The following VWA8 variants were observed in gnomAD, a reference collection of about 807,000 sequenced individuals.
VWA8 encodes von Willebrand factor A domain-containing protein 8.
In VWA8, 221 loss-of-function variants were observed where a neutral mutation model predicts 241.5. The observed-to-expected ratio is 0.91, with a 90% confidence interval of 0.82 to 1.02. VWA8 has a LOEUF of 1.02. Among genes scored for constraint, VWA8 ranks in the 50% least tolerant of loss-of-function variants. The probability of loss-of-function intolerance (pLI) is 0.00; values close to 1 mark genes in which losing one functional copy is unlikely to be tolerated. For missense variants in VWA8, 2,322 were observed against 2,328.7 expected (o/e 1.00, Z 0.06); for synonymous variants, 852 against 827.1 (o/e 1.03, Z -0.52).
intron 36 of VWA8, among the ~76,000 whole-genome samples, chr13:41,674,523 T>C (rs1199063826): frequency 6.6e-6 from 1 of 152,006 alleles, no homozygotes; most frequent in Non-Finnish European, 1.5e-5. Context: ...AAGAGGAACC[T>C]AGGATAAGTA....
chr13:41,592,686 T>C (rs1444570366), intron 40 of VWA8, among the ~76,000 whole-genome samples: 1 of 147,994 alleles, frequency 6.8e-6, no homozygotes, highest in Admixed American at 6.7e-5. Flanking sequence ...TCCTTGAAAA[T>C]ATTTATAATA....
In VWA8 at chr13:41,886,023, G is replaced by C; in HGVS notation, c.872C>G (p.Ser291Cys). 1 of 1,583,626 alleles carries C rather than the reference G, an allele frequency of 6.3e-7. No individual in the cohort carries two copies. Reference protein sequence around the residue: ...IGANVSAEKVSQLLSFATTLC... With the variant: ...IGANVSAEKVCQLLSFATTLC... ...AGTTGTGGCAAAGGACAAGAGCTGA[G>C]AAACTCTAAGGGAAAAATGATATTA... The change falls in exon 8 of 45, where the codon TCT (serine) becomes TGT (cysteine). Residue 291 changes from serine (S) to cysteine (C), a missense_variant. Coordinates refer to ENST00000379310, the MANE Select transcript of VWA8 (RefSeq NM_015058.2).
chr13:41,806,247 G>C (rs1870203854), intron 17 of VWA8, among the ~76,000 whole-genome samples: 1 of 151,966 alleles, frequency 6.6e-6, no homozygotes, highest in Non-Finnish European at 1.5e-5. Context: ...TAAAAGAAAA[G>C]TCTATAGCCA....
chr13:41,926,485 C>CT, intron 2 of VWA8: 1 of 528,728 alleles, frequency 1.9e-6, no homozygotes, highest in Non-Finnish European at 3.8e-6. Flanking sequence ...CTCCGGAACT[C>CT]TATCATAAGA....
chr13:41,633,118 T>G (rs149332493), intron 37 of VWA8, among the ~76,000 whole-genome samples: 1 of 152,358 alleles, frequency 6.6e-6, no homozygotes, highest in African/African-American at 2.4e-5. Flanking sequence ...CGTAATGTAC[T>G]CTTTTATGAT....
chr13:41,756,065 A>G (rs1350709512), intron 21 of VWA8, among the ~76,000 whole-genome samples: 1 of 151,786 alleles, frequency 6.6e-6, no homozygotes, highest in Non-Finnish European at 1.5e-5. Flanking sequence ...ATATTAATAA[A>G]CCCCTGACAA....
chr13:41,855,393 TAA>T (rs1872708278), intron 12 of VWA8, among the ~76,000 whole-genome samples: 1 of 145,414 alleles, frequency 6.9e-6, no homozygotes, highest in Non-Finnish European at 1.5e-5. Flanking sequence ...TATTTATATA[TAA>T]ATATATATAT....
rs979394476 is a variant in VWA8 at position 41,685,215 on chromosome 13, T to A, written c.4159A>T (p.Arg1387Ter). ...MSPSEVYSWKRPSSLHKRSGT... is the reference protein window; with the variant it reads ...MSPSEVYSWK Reference sequence around the variant, plus strand: ...CTTCGTTTATGCAAAGATGATGGTCTCTTCCAAGAATAAACTTCACTGGGT... The same window carrying A: ...CTTCGTTTATGCAAAGATGATGGTCACTTCCAAGAATAAACTTCACTGGGT... The change falls in exon 35 of 45, where the codon AGA becomes TGA. Residue 1387 changes from arginine to a stop codon, truncating the protein, a stop_gained. Transcript: ENST00000379310. LOFTEE classifies it high-confidence loss of function. 1.2e-6 allele frequency: 2 copies of A among 1,612,656 alleles called. No homozygotes were observed. The highest frequency in any genetic ancestry group is 2.7e-5 in the African/African-American group (2 of 74,782).
intron 17 of VWA8, among the ~76,000 whole-genome samples, chr13:41,791,345 G>A (rs1020098656): frequency 6.6e-6 from 1 of 151,544 alleles, no homozygotes; most frequent in African/African-American, 2.4e-5. Flanking sequence ...TGATAACACT[G>A]GAAAAATTAG....
At chr13:41,837,035 T>TGATAGATAGATA (rs67765155) in intron 12 of VWA8, among the ~76,000 whole-genome samples, 5,617 of 148,662 alleles carry the variant, frequency 0.038, 138 homozygotes, top group East Asian at 0.073. Context: ...TGCAGATAGA[T>TGATAGATAGATA]GATAGATAGA....
At chr13:41,947,950 A>G (rs1593890480) in intron 2 of VWA8, among the ~76,000 whole-genome samples, 2 of 148,534 alleles carry the variant, frequency 1.3e-5, no homozygotes, top group Non-Finnish European at 3.0e-5. Context: ...AAAAAAAAAA[A>G]AAACAAAACA....
At chr13:41,813,446 C>T (rs1485462992) in intron 16 of VWA8, among the ~76,000 whole-genome samples, 1 of 152,048 alleles carries the variant, frequency 6.6e-6, no homozygotes, top group Non-Finnish European at 1.5e-5. Context: ...AAATATAACT[C>T]AGAAATTCCC....
Position 41,568,160 on chromosome 13 carries a change from C to A in VWA8, c.*37G>T. 1 of 1,532,108 alleles carries A rather than the reference C, an allele frequency of 6.5e-7. No homozygotes were observed. Among genetic ancestry groups the A allele is most frequent in the South Asian group, 1.1e-5 (1 of 88,784 alleles). 94.9% of individuals were successfully genotyped at this position (1,532,108 alleles called of 1,614,324 possible). ...AATACTCTTTATTCCTGTCTTATTT[C>A]AAATCCTGGTGTCATCAGGGTGATG... On this transcript the variant is annotated 3_prime_UTR_variant, in exon 45 of 45. Transcript: ENST00000379310.
chr13:41,576,855 G>A (rs1031662745), intron 42 of VWA8, among the ~76,000 whole-genome samples: 1 of 152,232 alleles, frequency 6.6e-6, no homozygotes, highest in Admixed American at 6.5e-5. Context: ...AATGGCCCCT[G>A]GCCCATAGCC....
rs2045370374 is a variant in VWA8 at position 41,719,678 on chromosome 13, T to C, written c.3029A>G (p.Asn1010Ser). The C allele has an allele frequency of 3.1e-6, 5 of 1,613,140 alleles. No individual in the cohort carries two copies. Among genetic ancestry groups the C allele is most frequent in the South Asian group, 1.1e-5 (1 of 91,056 alleles). Residue 1010 changes from asparagine to serine, a missense_variant, in exon 26 of 45, where the codon AAT becomes AGT. By Grantham distance (46) the Asn-to-Ser change is conservative. Coordinates refer to ENST00000379310, the MANE Select transcript of VWA8 (RefSeq NM_015058.2). Reference protein sequence around the residue: ...RNVFDFDSYNNDMREILINTL... With the variant: ...RNVFDFDSYNSDMREILINTL... ...GTTAATCAATATCTCCCTCATGTCA[T>C]TGTTGTAGGAATCAAAGTCAAACAC...
intron 15 of VWA8, among the ~76,000 whole-genome samples, chr13:41,818,714 A>C (rs1373240648): frequency 6.6e-6 from 1 of 152,208 alleles, no homozygotes; most frequent in East Asian, 1.9e-4. Context: ...TCAAAGGACT[A>C]ATCAGGCAAG....
chr13:41,833,220 A>T (rs989398205), intron 13 of VWA8, 151 bp downstream of exon 13: 1 of 907,438 alleles, frequency 1.1e-6, no homozygotes, highest in Non-Finnish European at 1.5e-6. Context: ...AACAATAAAA[A>T]AGTGCCATTC....
intron 43 of VWA8, among the ~76,000 whole-genome samples, chr13:41,571,945 C>T (rs1021290862): frequency 3.9e-5 from 6 of 152,068 alleles, no homozygotes; most frequent in African/African-American, 1.2e-4. Context: ...ATGTGAGGAG[C>T]CCCTCTGACC....
chr13:41,822,308 A>C (rs532476393), intron 14 of VWA8, among the ~76,000 whole-genome samples: 2 of 152,308 alleles, frequency 1.3e-5, no homozygotes, highest in African/African-American at 4.8e-5. Flanking sequence ...CTATAAATAC[A>C]TCAATCATGA....
Sources: allele counts gnomAD v4.1 joint callset (sites outside exome capture counted in the v4.1 genomes callset), GRCh38; gene constraint gnomAD v4.1.1; transcripts MANE v1.5; gene names NCBI Gene and HGNC (gene_info 2026-07-23, HGNC 2026-07-21).